NFYC: variants seen among roughly 807,000 people sequenced by gnomAD.
NFYC encodes the protein nuclear transcription factor Y subunit gamma, also known as CAAT box DNA-binding protein subunit C.
A neutral mutation model predicts 53.1 loss-of-function variants in NFYC; 25 were observed. The observed-to-expected ratio is 0.47, with a 90% CI of 0.34 to 0.66. The LOEUF (loss-of-function observed/expected upper bound fraction) is 0.66. Among genes scored for constraint, NFYC ranks in the 30% least tolerant of loss-of-function variants. NFYC has a pLI of 0.01. For missense variants in NFYC, 260 were observed against 422.7 expected, an observed-to-expected ratio of 0.62 and a Z score of 3.38; for synonymous variants, 145 against 152.6, an observed-to-expected ratio of 0.95 and a Z score of 0.37.
intron 4 of NFYC, 102 bp from the exon 5 acceptor site, chr1:40,753,049 T>C (rs180707497): frequency 7.5e-4 from 559 of 743,022 alleles, no homozygotes; most frequent in Middle Eastern, 3.5e-3. Context: ...CGTAGGTGTT[T>C]AGTTTGGCTT....
At chr1:40,727,212 TTTGGTTGG>T (rs537086608) in intron 1 of NFYC, among the ~76,000 whole-genome samples, 14 of 152,126 alleles carry the variant, frequency 9.2e-5, no homozygotes, top group Admixed American at 2.0e-4. Context: ...TGTTTGTTTG[TTTGGTTGG>T]TTGGTTGGTT....
chr1:40,697,165 A>G (rs1643193598), intron 1 of NFYC, among the ~76,000 whole-genome samples: 1 of 152,244 alleles, frequency 6.6e-6, no homozygotes, highest in African/African-American at 2.4e-5. Context: ...AGAAATGAAT[A>G]TAATAGCGTG....
chr1:40,764,014 C>T (rs1215501021), intron 7 of NFYC, among the ~76,000 whole-genome samples: 3 of 152,216 alleles, frequency 2.0e-5, no homozygotes, highest in South Asian at 2.1e-4. Context: ...CTTATCTATT[C>T]CTTTACTGTG....
At chr1:40,700,901 G>C (rs1643402463) in intron 1 of NFYC, among the ~76,000 whole-genome samples, 1 of 152,050 alleles carries the variant, frequency 6.6e-6, no homozygotes. Flanking sequence ...TCCTCCCACT[G>C]TGTCCCCTTC....
chr1:40,759,892 C>T (rs779429511), intron 6 of NFYC, among the ~76,000 whole-genome samples: 20 of 151,852 alleles, frequency 1.3e-4, no homozygotes, highest in African/African-American at 3.9e-4. Context: ...TGGACAGCCT[C>T]GTATATTCTA....
intron 4 of NFYC, among the ~76,000 whole-genome samples, chr1:40,750,361 T>C (rs941026307): frequency 6.6e-5 from 10 of 152,212 alleles, no homozygotes; most frequent in Non-Finnish European, 4.4e-5. Context: ...AATTATTTTC[T>C]CTTCTTGTTT....
chr1:40,737,904 T>G (rs1003654809), intron 1 of NFYC, among the ~76,000 whole-genome samples: 1 of 25,624 alleles, frequency 3.9e-5, no homozygotes, highest in Non-Finnish European at 1.0e-4. Flanking sequence ...TCTCTCTCTT[T>G]TTTTTTTTTT....
intron 1 of NFYC, among the ~76,000 whole-genome samples, chr1:40,724,236 C>T (rs895180485): frequency 2.0e-5 from 3 of 152,044 alleles, no homozygotes; most frequent in South Asian, 2.1e-4. Context: ...GGTGTGATGG[C>T]GGGTGCCTAT....
At chr1:40,708,209 G>A (rs995309458) in intron 1 of NFYC, among the ~76,000 whole-genome samples, 5 of 152,164 alleles carry the variant, frequency 3.3e-5, no homozygotes, top group African/African-American at 4.8e-5. Context: ...ACCCAAGTTG[G>A]AAGCTGCAGT....
chr1:40,752,777 T>C (rs981171425), intron 4 of NFYC, among the ~76,000 whole-genome samples: 1 of 152,042 alleles, frequency 6.6e-6, no homozygotes, highest in Non-Finnish European at 1.5e-5. Flanking sequence ...GAAAATATTA[T>C]TTAGGGCCTT....
At chr1:40,743,256 A>G (rs189972500) in intron 2 of NFYC, among the ~76,000 whole-genome samples, 5 of 152,350 alleles carry the variant, frequency 3.3e-5, no homozygotes, top group East Asian at 1.9e-4. Context: ...GTAGTTGTCT[A>G]TAAATCCAGG....
chr1:40,755,193 A>T (rs1280165053), intron 5 of NFYC, among the ~76,000 whole-genome samples: 1 of 152,208 alleles, frequency 6.6e-6, no homozygotes, highest in Non-Finnish European at 1.5e-5. Context: ...GGCTGGTTGC[A>T]CAACACTGTA....
At chr1:40,762,343 A>G (rs1025537603) in intron 6 of NFYC, among the ~76,000 whole-genome samples, 4 of 152,224 alleles carry the variant, frequency 2.6e-5, no homozygotes, top group Non-Finnish European at 5.9e-5. Context: ...ATTGCTCTGC[A>G]GCTTGAATGG....
chr1:40,724,359 C>G (rs998032428), intron 1 of NFYC, among the ~76,000 whole-genome samples: 1 of 152,070 alleles, frequency 6.6e-6, no homozygotes, highest in Non-Finnish European at 1.5e-5. Flanking sequence ...CAGACTGAGG[C>G]TCCGTCTAAA....
At chr1:40,749,466 A>G in intron 3 of NFYC, 107 bp from the exon 4 acceptor site, 1 of 817,682 alleles carries the variant, frequency 1.2e-6, no homozygotes, top group Non-Finnish European at 2.1e-6. Context: ...ATACCACCTC[A>G]TTTTTTGACC....
chr1:40,696,050 TCTC>T (rs1643122786), intron 1 of NFYC, among the ~76,000 whole-genome samples: 1 of 130,210 alleles, frequency 7.7e-6, no homozygotes. Context: ...TGAGATAGAG[TCTC>T]GCACTGTTTC....
chr1:40,714,165 T>C (rs1393172233), intron 1 of NFYC, among the ~76,000 whole-genome samples: 2 of 152,226 alleles, frequency 1.3e-5, no homozygotes, highest in African/African-American at 2.4e-5. Flanking sequence ...AAGAACAAGC[T>C]AATTCCCAAA....
intron 2 of NFYC, among the ~76,000 whole-genome samples, chr1:40,745,106 C>T (rs1302419031): frequency 1.3e-5 from 2 of 152,166 alleles, no homozygotes; most frequent in African/African-American, 2.4e-5. Flanking sequence ...TTTTACATCT[C>T]TGCAAGGCGG....
chr1:40,697,094 C>G (rs1643189907), intron 1 of NFYC, among the ~76,000 whole-genome samples: 1 of 152,194 alleles, frequency 6.6e-6, no homozygotes, highest in East Asian at 1.9e-4. Flanking sequence ...GGAGCAGGTT[C>G]TTAACTTGTT....
Sources: allele counts gnomAD v4.1 joint callset (sites outside exome capture counted in the v4.1 genomes callset), GRCh38; gene constraint gnomAD v4.1.1; transcripts MANE v1.5; gene names NCBI Gene and HGNC (gene_info 2026-07-23, HGNC 2026-07-21).